Variants in SNTG1 observed in about 807,000 individuals in gnomAD.
The protein encoded by SNTG1 is syntrophin gamma 1.
A neutral mutation model predicts 74.7 loss-of-function variants in SNTG1; 39 were observed. The ratio of observed to expected loss-of-function variants is 0.52; its 90% CI spans 0.40 to 0.68. The LOEUF (loss-of-function observed/expected upper bound fraction) is 0.68, where lower values mean the gene tolerates loss of function less well. Among genes scored for constraint, SNTG1 ranks in the 30% least tolerant of loss-of-function variants. SNTG1 has a pLI of 0.00. For missense variants in SNTG1, 685 were observed against 609.5 expected, an observed-to-expected ratio of 1.12 and a Z score of -1.30; for synonymous variants, 254 against 217.1, an observed-to-expected ratio of 1.17 and a Z score of -1.49.
At chr8:50,079,788 C>G (rs1023272261) in intron 1 of SNTG1, among the ~76,000 whole-genome samples, 7 of 152,154 alleles carry the variant, frequency 4.6e-5, no homozygotes, top group African/African-American at 1.7e-4. Flanking sequence ...TATGGCTAGC[C>G]AGTTTTCCCA....
intron 2 of SNTG1, among the ~76,000 whole-genome samples, chr8:50,226,048 A>C (rs2085312520): frequency 6.6e-6 from 1 of 152,244 alleles, no homozygotes; most frequent in African/African-American, 2.4e-5. Flanking sequence ...ACACAATAGA[A>C]TTGCAAATAG....
intron 1 of SNTG1, among the ~76,000 whole-genome samples, chr8:50,074,941 G>A (rs751268837): frequency 1.3e-5 from 2 of 152,190 alleles, no homozygotes; most frequent in Non-Finnish European, 2.9e-5. Context: ...CCTCTCCACA[G>A]ACCCCACACT....
At chr8:50,079,432 T>G (rs1408619906) in intron 1 of SNTG1, among the ~76,000 whole-genome samples, 1 of 152,006 alleles carries the variant, frequency 6.6e-6, no homozygotes, top group African/African-American at 2.4e-5. Flanking sequence ...CTTGTAAATT[T>G]GTTTAAGTTC....
chr8:50,637,301 C>G (rs1451505872), intron 13 of SNTG1, among the ~76,000 whole-genome samples: 1 of 152,072 alleles, frequency 6.6e-6, no homozygotes, highest in African/African-American at 2.4e-5. Flanking sequence ...CTCATGAACT[C>G]TTTATATAGA....
At chr8:50,335,973 C>T (rs2091129414) in intron 2 of SNTG1, among the ~76,000 whole-genome samples, 1 of 151,992 alleles carries the variant, frequency 6.6e-6, no homozygotes, top group South Asian at 2.1e-4. Flanking sequence ...TGCCTTAAAA[C>T]ACAAAGGTCT....
At chr8:49,975,107 C>T (rs1812069459) in intron 1 of SNTG1, among the ~76,000 whole-genome samples, 1 of 152,130 alleles carries the variant, frequency 6.6e-6, no homozygotes, top group Non-Finnish European at 1.5e-5. Flanking sequence ...GGCTCTCTTC[C>T]AAATGGACCT....
chr8:50,655,885 AGCTGG>A (rs2095177110), intron 13 of SNTG1, among the ~76,000 whole-genome samples: 1 of 152,170 alleles, frequency 6.6e-6, no homozygotes, highest in Non-Finnish European at 1.5e-5. Flanking sequence ...GTTTGGAGCT[AGCTGG>A]GCTTGGTCCA....
chr8:50,103,352 C>T (rs2080225318), intron 1 of SNTG1, among the ~76,000 whole-genome samples: 1 of 152,084 alleles, frequency 6.6e-6, no homozygotes, highest in African/African-American at 2.4e-5. Context: ...CATGATTTGG[C>T]TCTCTGTTTG....
chr8:50,650,530 A>G (rs1007843294), intron 13 of SNTG1, among the ~76,000 whole-genome samples: 1 of 152,154 alleles, frequency 6.6e-6, no homozygotes, highest in Non-Finnish European at 1.5e-5. Flanking sequence ...CATTTTTAAA[A>G]AACAATTAGT....
At chr8:50,130,216 A>G (rs2081276129) in intron 1 of SNTG1, among the ~76,000 whole-genome samples, 1 of 152,156 alleles carries the variant, frequency 6.6e-6, no homozygotes. Flanking sequence ...AGAACTGAAA[A>G]GACAGAAATT....
intron 1 of SNTG1, among the ~76,000 whole-genome samples, chr8:49,917,196 T>C (rs1417038339): frequency 6.6e-6 from 1 of 152,178 alleles, no homozygotes; most frequent in Non-Finnish European, 1.5e-5. Flanking sequence ...ATTGGTTGTG[T>C]GGACTTGGGT....
chr8:50,704,406 G>C (rs957985577), intron 15 of SNTG1, among the ~76,000 whole-genome samples, 194 bp from the exon 16 acceptor site: 3 of 152,208 alleles, frequency 2.0e-5, no homozygotes, highest in African/African-American at 7.2e-5. Flanking sequence ...ACATGCTTCA[G>C]TGTAAAGACA....
chr8:50,699,869 G>A (rs1329747095), intron 15 of SNTG1, among the ~76,000 whole-genome samples: 1 of 146,046 alleles, frequency 6.8e-6, no homozygotes, highest in Non-Finnish European at 1.5e-5. Flanking sequence ...CCAACATTAA[G>A]TACTTCCAAG....
At chr8:50,168,881 C>T (rs754818343) in intron 1 of SNTG1, among the ~76,000 whole-genome samples, 1 of 152,154 alleles carries the variant, frequency 6.6e-6, no homozygotes, top group African/African-American at 2.4e-5. Flanking sequence ...ACTGCAGTAC[C>T]TGATTATGAA....
At chr8:50,541,079 A>G (rs941081521) in intron 11 of SNTG1, among the ~76,000 whole-genome samples, 4 of 152,068 alleles carry the variant, frequency 2.6e-5, no homozygotes, top group African/African-American at 9.7e-5. Flanking sequence ...CTAGCTTTTT[A>G]TAATTAAACC....
chr8:50,258,958 G>A lies in SNTG1; in HGVS notation c.-28+86323G>A, dbSNP rs571505905. On this transcript the variant is annotated intron_variant, in intron 2 of 18. Coordinates refer to ENST00000642720, the MANE Select transcript of SNTG1 (RefSeq NM_018967.5). ...TTTACACACCAAAAAGTTCAACAAG[G>A]TCTAAACAGGAAAAATGAAAAGAGA... 6.2e-4 allele frequency among the ~76,000 whole-genome samples: 95 copies of A among 152,014 alleles called. 2 individuals carry two copies. The highest frequency in any genetic ancestry group is 3.3e-3 in the South Asian group (16 of 4,814).
At chr8:50,662,147 C>A (rs73676387) in intron 15 of SNTG1, among the ~76,000 whole-genome samples, 4,186 of 152,216 alleles carry the variant, frequency 0.028, 167 homozygotes, top group African/African-American at 0.092. Context: ...TCTTCTACAG[C>A]CCAGCCCTCT....
At chr8:50,652,283 G>A (rs1294313435) in intron 13 of SNTG1, among the ~76,000 whole-genome samples, 1 of 152,100 alleles carries the variant, frequency 6.6e-6, no homozygotes, top group Non-Finnish European at 1.5e-5. Context: ...CAGTGCACTT[G>A]AAAATAATTT....
intron 1 of SNTG1, among the ~76,000 whole-genome samples, chr8:49,996,188 G>T (rs1814198966): frequency 6.6e-6 from 1 of 152,004 alleles, no homozygotes; most frequent in Non-Finnish European, 1.5e-5. Context: ...AGCTAAATAA[G>T]ATAGAAGGTT....
Sources: gnomAD v4.1 joint callset for allele counts (sites outside exome capture counted in the v4.1 genomes callset) on GRCh38, gnomAD v4.1.1 for gene constraint, MANE v1.5 for transcripts, NCBI Gene and HGNC (gene_info 2026-07-23, HGNC 2026-07-21) for gene names.